VEZT: variants seen among roughly 807,000 people sequenced by gnomAD.
VEZT encodes vezatin.
A neutral mutation model predicts 79.9 loss-of-function variants in VEZT; 39 were observed. The observed-to-expected ratio is 0.49, with a 90% CI of 0.38 to 0.64. The LOEUF is 0.64. VEZT is among the 30% of genes least tolerant of loss of function. VEZT has a pLI of 0.00. For missense variants in VEZT, 837 were observed against 893.1 expected, an observed-to-expected ratio of 0.94 and a Z score of 0.80; for synonymous variants, 325 against 327.6, an observed-to-expected ratio of 0.99 and a Z score of 0.09.
At chr12:95,266,264 A>G (rs2065514167) in intron 4 of VEZT, 93 bp from the exon 5 acceptor site, 3 of 1,325,072 alleles carry the variant, frequency 2.3e-6, no homozygotes, top group Non-Finnish European at 1.0e-6. Flanking sequence ...TATTTAGTAA[A>G]CCTAAATTTA....
At chr12:95,224,808 G>A (rs1001255639) in intron 1 of VEZT, among the ~76,000 whole-genome samples, 1 of 152,170 alleles carries the variant, frequency 6.6e-6, no homozygotes, top group African/African-American at 2.4e-5. Flanking sequence ...TTGGCACCAG[G>A]GACTTGTTTC....
At chr12:95,275,618 A>G (rs1413937621) in intron 7 of VEZT, among the ~76,000 whole-genome samples, 1 of 152,100 alleles carries the variant, frequency 6.6e-6, no homozygotes, top group Admixed American at 6.6e-5. Flanking sequence ...AATAATGCAT[A>G]CTTCAAATGC....
intron 1 of VEZT, among the ~76,000 whole-genome samples, chr12:95,249,772 C>T (rs2062230912): frequency 6.6e-6 from 1 of 152,136 alleles, no homozygotes; most frequent in Non-Finnish European, 1.5e-5. Flanking sequence ...TTGTACTAAA[C>T]TATAAGTAAC....
chr12:95,262,838 A>G (rs1389229193), intron 3 of VEZT, 68 bp from the exon 4 acceptor site: 24 of 1,349,604 alleles, frequency 1.8e-5, no homozygotes, highest in Non-Finnish European at 2.3e-5. Flanking sequence ...TTAGTACATT[A>G]GGAGCTTAGC....
chr12:95,224,972 A>G (rs1254150831), intron 1 of VEZT, among the ~76,000 whole-genome samples: 1 of 152,188 alleles, frequency 6.6e-6, no homozygotes, highest in Non-Finnish European at 1.5e-5. Flanking sequence ...ATGAGAATCT[A>G]ATGCTGCCAC....
intron 3 of VEZT, among the ~76,000 whole-genome samples, chr12:95,258,052 C>T (rs546757144): frequency 6.6e-6 from 1 of 152,228 alleles, no homozygotes; most frequent in East Asian, 1.9e-4. Context: ...CTCTTGGTTC[C>T]AAAGCCATGC....
intron 1 of VEZT, among the ~76,000 whole-genome samples, chr12:95,230,564 G>A (rs11107943): frequency 0.12 from 16,727 of 137,720 alleles, 1,022 homozygotes; most frequent in East Asian, 0.25. Context: ...ATTGTGTCCA[G>A]TTATCTCTCC....
At chr12:95,260,098 C>CTTTTTTTTT (rs56756447) in intron 3 of VEZT, among the ~76,000 whole-genome samples, 1 of 68,506 alleles carries the variant, frequency 1.5e-5, no homozygotes, top group Admixed American at 1.9e-4. Flanking sequence ...TGGTTGATCA[C>CTTTTTTTTT]TTTTTTTTTT....
At chr12:95,276,674 C>G (rs929749169) in intron 7 of VEZT, among the ~76,000 whole-genome samples, 1 of 152,114 alleles carries the variant, frequency 6.6e-6, no homozygotes, top group Non-Finnish European at 1.5e-5. Flanking sequence ...TAAAACTTCC[C>G]TTGATACCGT....
At chr12:95,266,673 C>G (rs778389357) in intron 5 of VEZT, 41 bp downstream of exon 5, 1 of 1,512,826 alleles carries the variant, frequency 6.6e-7, no homozygotes, top group Admixed American at 2.0e-5. Context: ...TGATTATTTT[C>G]TATTCCATAA....
intron 1 of VEZT, among the ~76,000 whole-genome samples, chr12:95,231,966 T>G (rs2059337362): frequency 6.6e-6 from 1 of 152,168 alleles, no homozygotes; most frequent in South Asian, 2.1e-4. Context: ...TTGAGAAAAA[T>G]CACTGCCTTT....
At chr12:95,230,458 C>T (rs1449021718) in intron 1 of VEZT, among the ~76,000 whole-genome samples, 1 of 150,430 alleles carries the variant, frequency 6.6e-6, no homozygotes, top group African/African-American at 2.4e-5. Flanking sequence ...CTCTGTCAAC[C>T]CAGGCTGGAG....
intron 9 of VEZT, among the ~76,000 whole-genome samples, chr12:95,289,577 A>G (rs2072155806): frequency 6.6e-6 from 1 of 152,126 alleles, no homozygotes; most frequent in South Asian, 2.1e-4. Context: ...AAGATAAGCC[A>G]TTTTCTAATT....
At chr12:95,260,179 C>T (rs2064180834) in intron 3 of VEZT, among the ~76,000 whole-genome samples, 1 of 145,898 alleles carries the variant, frequency 6.9e-6, no homozygotes, top group Middle Eastern at 3.7e-3. Context: ...CATCTCGGCT[C>T]ACTGCAACCT....
At chr12:95,276,078 A>C (rs781480743) in intron 7 of VEZT, among the ~76,000 whole-genome samples, 3 of 152,070 alleles carry the variant, frequency 2.0e-5, no homozygotes, top group Non-Finnish European at 4.4e-5. Context: ...TTAGCAGTGA[A>C]TACCAATCTT....
chr12:95,287,797 T>G lies in VEZT; in HGVS notation c.1462T>G (p.Cys488Gly), dbSNP rs200259282. ...IQPHVQASNNCWEEAISQVDK... is the reference protein window; with the variant it reads ...IQPHVQASNNGWEEAISQVDK... ...GCCCCACGTTCAAGCAAGCAACAAT[T>G]GCTGGGAAGAGGCCATTTCTCAGGT... Residue 488 changes from cysteine to glycine, a missense_variant, in exon 9 of 12, where the codon TGC (cysteine) becomes GGC (glycine). Physicochemically the swap from Cys to Gly is radical, Grantham distance 159. Coordinates refer to ENST00000436874, the MANE Select transcript of VEZT (RefSeq NM_017599.4). The G allele has an allele frequency of 1.7e-5, 27 of 1,608,414 alleles. No individual in the cohort carries two copies. The highest frequency in any genetic ancestry group is 2.1e-5 in the Non-Finnish European group (25 of 1,177,216).
In VEZT at chr12:95,235,662, C is replaced by T. The variant is rs868047856; in HGVS notation, c.37-16278C>T. On this transcript the variant is annotated intron_variant, in intron 1 of 11. Transcript: ENST00000436874. ...CTCCCGGATGGGGCGGCTGGCCGGG[C>T]GGGGGGCTGACCCCCACCTCCCTCC... is the stretch of plus-strand genomic sequence containing the variant. Among the ~76,000 whole-genome samples, 197 of 133,848 alleles carry T rather than the reference C, an allele frequency of 1.5e-3. 2 individuals are homozygous for T. Among genetic ancestry groups the T allele is most frequent in the African/African-American group, 3.5e-3 (122 of 34,476 alleles). 87.8% of individuals were successfully genotyped at this position (133,848 alleles called of 152,430 possible).
intron 4 of VEZT, 99 bp downstream of exon 4, chr12:95,263,180 C>G: frequency 9.1e-7 from 1 of 1,093,686 alleles, no homozygotes; most frequent in Non-Finnish European, 1.3e-6. Context: ...CATAAACATT[C>G]CATACATTTA....
At chr12:95,279,508 G>T (rs531507123) in intron 7 of VEZT, among the ~76,000 whole-genome samples, 1 of 152,304 alleles carries the variant, frequency 6.6e-6, no homozygotes, top group South Asian at 2.1e-4. Context: ...ATCCAGAGGA[G>T]CTTTCCTTAT....
Sources: gnomAD v4.1 joint callset for allele counts (sites outside exome capture counted in the v4.1 genomes callset) on GRCh38, gnomAD v4.1.1 for gene constraint, MANE v1.5 for transcripts, NCBI Gene and HGNC (gene_info 2026-07-23, HGNC 2026-07-21) for gene names.